Variants in UHRF2 observed in about 807,000 individuals in gnomAD.
UHRF2 encodes ubiquitin like with PHD and ring finger domains 2, also known as E3 ubiquitin-protein ligase UHRF2.
Under a neutral mutation model 96.8 loss-of-function variants are expected in UHRF2, and 23 were observed. The ratio of observed to expected loss-of-function variants is 0.24; its 90% confidence interval spans 0.17 to 0.34. The LOEUF (loss-of-function observed/expected upper bound fraction) is 0.34, where lower values mean the gene tolerates loss of function less well. Ranked by LOEUF, UHRF2 falls within the 10% of genes least tolerant of loss-of-function variation. The pLI is 1.00. For synonymous variants in UHRF2, 385 were observed against 332.6 expected, an observed-to-expected ratio of 1.16 and a Z score of -1.72; for missense variants, 685 against 981.5, an observed-to-expected ratio of 0.70 and a Z score of 4.04.
intron 8 of UHRF2, among the ~76,000 whole-genome samples, chr9:6,486,207 G>A (rs536958922): frequency 2.0e-5 from 3 of 152,246 alleles, no homozygotes; most frequent in African/African-American, 7.2e-5. Context: ...AGATAGGATG[G>A]GTTTGAAGGA....
chr9:6,413,816 T>G (rs1819430395), intron 1 of UHRF2, 173 bp downstream of exon 1: 5 of 770,482 alleles, frequency 6.5e-6, no homozygotes, highest in Non-Finnish European at 9.1e-6. Flanking sequence ...CGCCGAATGG[T>G]GGGGAGTGGG....
chr9:6,428,539 T>C (rs900836899), intron 2 of UHRF2, among the ~76,000 whole-genome samples: 1 of 7,712 alleles, frequency 1.3e-4, no homozygotes, highest in Admixed American at 1.8e-3. Context: ...TTTGCTTTTT[T>C]TTTTTTTTTT....
At chr9:6,468,897 C>G (rs1223444122) in intron 4 of UHRF2, among the ~76,000 whole-genome samples, 3 of 152,168 alleles carry the variant, frequency 2.0e-5, no homozygotes, top group Non-Finnish European at 4.4e-5. Flanking sequence ...AAATGTTAAA[C>G]CACCACATTA....
At chr9:6,470,047 C>T (rs1353340209) in intron 4 of UHRF2, among the ~76,000 whole-genome samples, 2 of 152,084 alleles carry the variant, frequency 1.3e-5, no homozygotes, top group Non-Finnish European at 2.9e-5. Context: ...AGCTAGGAGA[C>T]AGTGGAATGG....
At chr9:6,478,054 C>T (rs374895536) in intron 6 of UHRF2, among the ~76,000 whole-genome samples, 15 of 152,162 alleles carry the variant, frequency 9.9e-5, no homozygotes, top group East Asian at 3.8e-4. Flanking sequence ...TTCAAAAATG[C>T]AAATCTGATC....
chr9:6,425,558 C>T (rs1820207819), intron 2 of UHRF2, among the ~76,000 whole-genome samples: 1 of 151,384 alleles, frequency 6.6e-6, no homozygotes, highest in Non-Finnish European at 1.5e-5. Flanking sequence ...AGTTTGAGAT[C>T]AGCCTGGTGA....
chr9:6,457,391 T>G (rs1261259488), intron 3 of UHRF2, among the ~76,000 whole-genome samples: 1 of 142,652 alleles, frequency 7.0e-6, no homozygotes, highest in African/African-American at 2.6e-5. Context: ...GCTTATCACC[T>G]TAAGGAGATT....
chr9:6,475,338 A>G (rs1823502359), intron 4 of UHRF2, 53 bp from the exon 5 acceptor site: 2 of 1,121,634 alleles, frequency 1.8e-6, no homozygotes, highest in Middle Eastern at 2.1e-4. Context: ...TATTATTTGT[A>G]TATACCTTAG....
chr9:6,501,950 C>T (rs1816314137), intron 14 of UHRF2, among the ~76,000 whole-genome samples: 1 of 152,124 alleles, frequency 6.6e-6, no homozygotes, highest in African/African-American at 2.4e-5. Context: ...GTTGTCTTCC[C>T]TATGGGTAGT....
At chr9:6,499,200 T>TA (rs372883093) in intron 12 of UHRF2, 5 of 152,264 alleles carry the variant, frequency 3.3e-5, no homozygotes, top group African/African-American at 1.2e-4. Context: ...GCCTGAAACA[T>TA]ACAGTGCTTT....
chr9:6,497,035 C>A, intron 10 of UHRF2, 163 bp from the exon 11 acceptor site: 1 of 672,612 alleles, frequency 1.5e-6, no homozygotes, highest in Non-Finnish European at 2.3e-6. Context: ...GTCTTCTCTG[C>A]TGGTGGGGGA....
chr9:6,494,776 G>A (rs1447437074), intron 10 of UHRF2: 2 of 152,150 alleles, frequency 1.3e-5, no homozygotes, highest in African/African-American at 2.4e-5. Flanking sequence ...AAATCACTCA[G>A]TTTTAAGTAG....
intron 3 of UHRF2, among the ~76,000 whole-genome samples, chr9:6,435,676 G>A (rs1003149157): frequency 1.3e-5 from 2 of 152,052 alleles, no homozygotes; most frequent in Admixed American, 1.3e-4. Context: ...GTGCGATCTT[G>A]GCTCACTGCA....
chr9:6,492,248 C>A, intron 9 of UHRF2: 1 of 770,238 alleles, frequency 1.3e-6, no homozygotes, highest in African/African-American at 1.8e-5. Flanking sequence ...TCTTATTATG[C>A]TCTCTTACTT....
intron 9 of UHRF2, 112 bp from the exon 10 acceptor site, chr9:6,493,712 CAA>C (rs1177390224): frequency 5.9e-5 from 53 of 897,668 alleles, no homozygotes; most frequent in Non-Finnish European, 8.4e-5. Flanking sequence ...GGAGATGCCT[CAA>C]GAGAAAATGT....
intron 5 of UHRF2, among the ~76,000 whole-genome samples, 182 bp downstream of exon 5, chr9:6,475,682 G>C (rs901126004): frequency 6.6e-6 from 1 of 151,842 alleles, no homozygotes; most frequent in Non-Finnish European, 1.5e-5. Flanking sequence ...AAATGATTAA[G>C]TGTTATTTTT....
intron 8 of UHRF2, among the ~76,000 whole-genome samples, 170 bp downstream of exon 8, chr9:6,482,269 A>G (rs570754213): frequency 6.6e-6 from 1 of 152,362 alleles, no homozygotes; most frequent in South Asian, 2.1e-4. Flanking sequence ...AGGAACATAC[A>G]TCACAGAATT....
At chr9:6,497,590 A>T (rs1563807988) in intron 11 of UHRF2, among the ~76,000 whole-genome samples, 1 of 147,752 alleles carries the variant, frequency 6.8e-6, no homozygotes, top group African/African-American at 2.5e-5. Context: ...TTTTTTTTTA[A>T]AATGTAAGTG....
At chr9:6,498,464 A>G (rs1376170520) in intron 12 of UHRF2, 1 of 203,238 alleles carries the variant, frequency 4.9e-6, no homozygotes, top group Non-Finnish European at 9.8e-6. Flanking sequence ...ATTTAGGTAT[A>G]GGAGGCCCTG....
Sources: gnomAD v4.1 joint callset for allele counts (sites outside exome capture counted in the v4.1 genomes callset) on GRCh38, gnomAD v4.1.1 for gene constraint, MANE v1.5 for transcripts, NCBI Gene and HGNC (gene_info 2026-07-23, HGNC 2026-07-21) for gene names.